Variants in ENOX1 observed in about 807,000 individuals in gnomAD.
ENOX1 encodes ecto-NOX disulfide-thiol exchanger 1.
ENOX1 carries 42 observed loss-of-function variants against 82.5 expected under a neutral mutation model. The ratio of observed to expected loss-of-function variants is 0.51; its 90% CI spans 0.40 to 0.66. ENOX1 has a LOEUF of 0.66. Among genes scored for constraint, ENOX1 ranks in the 30% least tolerant of loss-of-function variants. The pLI is 0.00. For missense variants in ENOX1, 608 were observed against 811.6 expected (o/e 0.75, Z 3.05); for synonymous variants, 271 against 282.2 (o/e 0.96, Z 0.40).
intron 1 of ENOX1, among the ~76,000 whole-genome samples, chr13:43,688,502 T>C (rs1388755722): frequency 1.3e-5 from 2 of 152,186 alleles, no homozygotes; most frequent in Non-Finnish European, 2.9e-5. Flanking sequence ...ATGGTTCCTG[T>C]CACCACTACT....
chr13:43,252,997 C>T (rs143888927), intron 14 of ENOX1, among the ~76,000 whole-genome samples: 19 of 152,272 alleles, frequency 1.2e-4, no homozygotes, highest in African/African-American at 4.1e-4. Context: ...ATCTTTGTTT[C>T]CCCCAGGAAG....
intron 3 of ENOX1, among the ~76,000 whole-genome samples, chr13:43,432,799 GTTTT>G (rs2055759795): frequency 6.6e-6 from 1 of 152,026 alleles, no homozygotes; most frequent in South Asian, 2.1e-4. Context: ...CGCCCTTTAA[GTTTT>G]TTTGTTTATT....
intron 2 of ENOX1, among the ~76,000 whole-genome samples, chr13:43,509,423 G>A (rs2153673535): frequency 6.6e-6 from 1 of 152,122 alleles, no homozygotes; most frequent in Admixed American, 6.6e-5. Flanking sequence ...TAGAATCAGG[G>A]TCTGTGAGCC....
intron 14 of ENOX1, among the ~76,000 whole-genome samples, chr13:43,246,866 GAGAAGCCATTCGGAAGGAATGGAA>G (rs2043108858): frequency 1.3e-5 from 2 of 152,186 alleles, no homozygotes; most frequent in Admixed American, 1.3e-4. Context: ...AAGGTGGATA[GAGAAGCCATTCGGAAGGAATGGAA>G]AGAAGCCATT....
At chr13:43,543,914 T>C (rs1190751588) in intron 2 of ENOX1, 1 of 50,350 alleles carries the variant, frequency 2.0e-5, no homozygotes, top group African/African-American at 7.2e-5. Context: ...TTTCTTTTTC[T>C]TTTTTTTTTT....
chr13:43,549,196 C>G (rs78019839), intron 2 of ENOX1, among the ~76,000 whole-genome samples: 1,909 of 152,300 alleles, frequency 0.013, 34 homozygotes, highest in African/African-American at 0.044. Context: ...CAGTTCTTCT[C>G]TCTCAGAGTG....
intron 5 of ENOX1, among the ~76,000 whole-genome samples, chr13:43,387,379 T>C (rs961071188): frequency 2.6e-5 from 4 of 151,970 alleles, no homozygotes. Flanking sequence ...GACGAGATTA[T>C]AGGCAGAGGG....
intron 2 of ENOX1, among the ~76,000 whole-genome samples, chr13:43,538,431 T>C (rs1241088402): frequency 6.6e-6 from 1 of 152,222 alleles, no homozygotes; most frequent in Non-Finnish European, 1.5e-5. Context: ...CTTCCTTTCA[T>C]TGCTTTTATA....
intron 2 of ENOX1, among the ~76,000 whole-genome samples, chr13:43,550,760 A>G (rs1416715490): frequency 1.3e-5 from 2 of 152,214 alleles, no homozygotes; most frequent in Non-Finnish European, 2.9e-5. Context: ...CAAAGTTTCT[A>G]AGACTTATCT....
intron 3 of ENOX1, among the ~76,000 whole-genome samples, chr13:43,421,032 A>C (rs928157050): frequency 2.0e-5 from 3 of 152,192 alleles, no homozygotes; most frequent in African/African-American, 7.2e-5. Context: ...GATGACTGTA[A>C]AGTAGGAGTA....
intron 1 of ENOX1, among the ~76,000 whole-genome samples, chr13:43,742,443 G>T (rs1428935635): frequency 6.6e-6 from 1 of 152,072 alleles, no homozygotes; most frequent in Non-Finnish European, 1.5e-5. Context: ...GACAGTGTGT[G>T]TGTGTGAGTG....
In ENOX1 at chr13:43,315,368, G is replaced by T. The variant is rs145510005; in HGVS notation, c.1261+7016C>A. Among the ~76,000 whole-genome samples, 108 of 152,236 alleles carry T rather than the reference G, an allele frequency of 7.1e-4. No individual in the cohort carries two copies. In the East Asian group the frequency reaches 0.019, roughly 27 times the overall value. On this transcript the variant is annotated intron_variant, in intron 11 of 16. Transcript: ENST00000690772. Reference sequence around the variant, plus strand: ...GACAAAATTCATCGATGTTGTAAAGGGTAATCCGTTTTTCAAAATCAGAGA... The same window carrying T: ...GACAAAATTCATCGATGTTGTAAAGTGTAATCCGTTTTTCAAAATCAGAGA...
intron 5 of ENOX1, among the ~76,000 whole-genome samples, chr13:43,403,600 T>C (rs1230683863): frequency 1.3e-5 from 2 of 152,158 alleles, no homozygotes; most frequent in Non-Finnish European, 2.9e-5. Context: ...CCTACCACTT[T>C]GGGAGGCTGA....
At chr13:43,347,880 C>T (rs142357632) in intron 8 of ENOX1, among the ~76,000 whole-genome samples, 125 of 152,270 alleles carry the variant, frequency 8.2e-4, no homozygotes, top group Non-Finnish European at 1.3e-3. Flanking sequence ...GAATTGAGAA[C>T]GATTGGTATA....
At chr13:43,494,960 GT>G (rs2076743938) in intron 2 of ENOX1, among the ~76,000 whole-genome samples, 1 of 152,164 alleles carries the variant, frequency 6.6e-6, no homozygotes, top group South Asian at 2.1e-4. Flanking sequence ...GAGCCTAGGT[GT>G]GGGGGAGACT....
At chr13:43,501,029 T>C (rs186348770) in intron 2 of ENOX1, among the ~76,000 whole-genome samples, 3 of 151,780 alleles carry the variant, frequency 2.0e-5, no homozygotes, top group Admixed American at 6.6e-5. Context: ...ACTAACAATA[T>C]AACAATAGTA....
intron 13 of ENOX1, among the ~76,000 whole-genome samples, chr13:43,266,968 A>C (rs1374889350): frequency 6.6e-6 from 1 of 152,104 alleles, no homozygotes; most frequent in African/African-American, 2.4e-5. Context: ...CCTCTCTTTT[A>C]AATAAACTCC....
chr13:43,289,427 A>G (rs1315992954), intron 12 of ENOX1, among the ~76,000 whole-genome samples: 1 of 152,204 alleles, frequency 6.6e-6, no homozygotes, highest in East Asian at 1.9e-4. Context: ...CACACTTAAC[A>G]ACCATCTAAT....
chr13:43,582,713 A>T (rs1323413612), intron 2 of ENOX1, among the ~76,000 whole-genome samples: 10 of 152,224 alleles, frequency 6.6e-5, no homozygotes, highest in African/African-American at 1.9e-4. Context: ...AGCTGGAACT[A>T]CAGGCGCACA....
Sources: allele counts gnomAD v4.1 joint callset (sites outside exome capture counted in the v4.1 genomes callset), GRCh38; gene constraint gnomAD v4.1.1; transcripts MANE v1.5; gene names NCBI Gene and HGNC (gene_info 2026-07-23, HGNC 2026-07-21).